Variants in PWWP2B observed in about 807,000 individuals in gnomAD.
PWWP2B encodes the protein PWWP domain containing 2B, also known as PWWP domain-containing protein 2B.
A neutral mutation model predicts 15.5 loss-of-function variants in PWWP2B; 9 were observed. The ratio of observed to expected loss-of-function variants is 0.58; its 90% confidence interval spans 0.35 to 1.02. PWWP2B has a LOEUF of 1.02. Ranked by LOEUF, PWWP2B falls within the 50% of genes least tolerant of loss-of-function variation. The pLI is 0.02. For synonymous variants in PWWP2B, 474 were observed against 403.6 expected, an observed-to-expected ratio of 1.17 and a Z score of -2.09; for missense variants, 864 against 865.3, an observed-to-expected ratio of 1.00 and a Z score of 0.02.
In PWWP2B at chr10:132,397,332, C is replaced by A; in HGVS notation, c.106C>A (p.Leu36Met). 7.2e-7 allele frequency: 1 copy of A among 1,392,252 alleles called. No individual in the cohort carries two copies. 86.2% of individuals were successfully genotyped at this position (1,392,252 alleles called of 1,614,324 possible). ...CGGCGAGCGGAGCTTCGCGGGGATC[C>A]TGCTGGACTGCACGAAAAAGTGAGC... ...SCGERSFAGI[L>M]LDCTKKSGLF... Residue 36 changes from leucine (L) to methionine (M), a missense_variant, in exon 1 of 3, where the codon CTG becomes ATG. By Grantham distance (15) the Leu-to-Met change is conservative (BLOSUM62 2). Around this residue, in one of 2 missense-constraint regions of PWWP2B, gnomAD observed 736 missense variants for 687.7 expected, o/e 1.07. Coordinates refer to ENST00000305233, the MANE Select transcript of PWWP2B (RefSeq NM_138499.4).
In PWWP2B at chr10:132,405,658, T is replaced by C; in HGVS notation, c.1158T>C (p.Gly386=). 1 of 1,612,356 alleles carries C rather than the reference T, an allele frequency of 6.2e-7. No homozygotes were observed. Among genetic ancestry groups the C allele is most frequent in the South Asian group, 1.1e-5 (1 of 91,084 alleles). Reference sequence around the variant, plus strand: ...CGGACTTGTCTTCTGGAAGTTCGGGTGAGGACGATGACTTCAAGAGCTGTC... The same window carrying C: ...CGGACTTGTCTTCTGGAAGTTCGGGCGAGGACGATGACTTCAAGAGCTGTC... ...GLADLSSGSS[G]EDDDFKSCPQ... is the part of the protein sequence containing the mutation. The change falls in exon 2 of 3, where the codon GGT becomes GGC. Residue 386 remains glycine, a synonymous_variant. Coordinates refer to ENST00000305233, the MANE Select transcript of PWWP2B (RefSeq NM_138499.4).
chr10:132,417,320 G>T lies in PWWP2B; in HGVS notation c.*276G>T. Reference sequence around the variant, plus strand: ...AGGCAGTCGGGACTCGTGACTTGCTGGCTGCTGGCTGCTGCTGCCTCGCGC... The same window carrying T: ...AGGCAGTCGGGACTCGTGACTTGCTTGCTGCTGGCTGCTGCTGCCTCGCGC... On this transcript the variant is annotated 3_prime_UTR_variant, in exon 3 of 3. Transcript: ENST00000305233. 1 of 526,496 alleles carries T rather than the reference G, an allele frequency of 1.9e-6. No individual in the cohort carries two copies. Among genetic ancestry groups the T allele is most frequent in the Non-Finnish European group, 3.4e-6 (1 of 296,338 alleles). The allele number at this position is 526,496 out of a possible 1,614,324, so 32.6% of individuals were successfully genotyped here. A position where few individuals can be genotyped will look rare whatever the true frequency, so the allele number is the denominator to read the frequency against.
chr10:132,405,307 C>T lies in PWWP2B; in HGVS notation c.807C>T (p.Ile269=), dbSNP rs1257750366. 6 of 1,612,222 alleles carry T rather than the reference C, an allele frequency of 3.7e-6. No homozygotes were observed. The highest frequency in any genetic ancestry group is 2.2e-5 in the East Asian group (1 of 44,870). ...TPQGKGEVVK[I]PSRVHGSLEP... ...AGGGCAAGGGAGAGGTGGTCAAGAT[C>T]CCCTCCCGCGTGCACGGCTCTCTGG... The change falls in exon 2 of 3, where the codon ATC becomes ATT. Residue 269 remains isoleucine (I), a synonymous_variant. Transcript: ENST00000305233.
chr10:132,416,440 G>A (rs1031697124), intron 2 of PWWP2B, among the ~76,000 whole-genome samples: 2 of 152,190 alleles, frequency 1.3e-5, no homozygotes, highest in African/African-American at 2.4e-5. Context: ...TGACGGGATC[G>A]TCTGTCCCCG....
At chr10:132,411,489 C>T (rs528212305) in intron 2 of PWWP2B, among the ~76,000 whole-genome samples, 4 of 152,334 alleles carry the variant, frequency 2.6e-5, no homozygotes, top group Admixed American at 1.3e-4. Flanking sequence ...GCCTCATGTC[C>T]GACAGAAGGG....
chr10:132,417,185 C>A lies in PWWP2B; in HGVS notation c.*141C>A. 1.6e-6 allele frequency: 2 copies of A among 1,251,512 alleles called. No individual in the cohort carries two copies. Among genetic ancestry groups the A allele is most frequent in the South Asian group, 1.2e-5 (1 of 83,114 alleles). The allele number at this position is 1,251,512 out of a possible 1,614,324, so 77.5% of individuals were successfully genotyped here. A position where few individuals can be genotyped will look rare whatever the true frequency, so the allele number is the denominator to read the frequency against. ...CACGGTGGTCGGCCTGGTGTGAGGC[C>A]CCCCGGGGACCGGCAGTGTGTCCAG... On this transcript the variant is annotated 3_prime_UTR_variant, in exon 3 of 3. Transcript: ENST00000305233.
intron 2 of PWWP2B, among the ~76,000 whole-genome samples, chr10:132,409,193 C>T (rs1036366901): frequency 6.6e-6 from 1 of 152,192 alleles, no homozygotes; most frequent in Non-Finnish European, 1.5e-5. Flanking sequence ...GCTCCAGGGC[C>T]TGTGAATGGC....
Position 132,397,324 on chromosome 10 carries a change from CG to C in PWWP2B, c.102del (p.Ile35SerfsTer43). On this transcript the variant is annotated frameshift_variant, in exon 1 of 3. Coordinates refer to ENST00000305233, the MANE Select transcript of PWWP2B (RefSeq NM_138499.4). LOFTEE classifies it high-confidence loss of function. The stretch of plus-strand genomic sequence containing the variant: ...GTGAGCTGCGGCGAGCGGAGCTTCG[CG>C]GGGATCCTGCTGGACTGCACGAAAA... ...VTVSCGERSF[A>X]GILLDCTKKS... 1 of 1,431,340 alleles carries C rather than the reference CG, an allele frequency of 7.0e-7. No homozygotes were observed. The allele number at this position is 1,431,340 out of a possible 1,614,324, so 88.7% of individuals were successfully genotyped here.
chr10:132,408,230 T>G (rs2069727302), intron 2 of PWWP2B, among the ~76,000 whole-genome samples: 1 of 152,216 alleles, frequency 6.6e-6, no homozygotes, highest in Admixed American at 6.5e-5. Flanking sequence ...TCTTATTTCC[T>G]GAGGGCTAAA....
intron 2 of PWWP2B, among the ~76,000 whole-genome samples, chr10:132,413,566 T>A (rs892300736): frequency 3.3e-5 from 5 of 152,224 alleles, no homozygotes; most frequent in African/African-American, 7.2e-5. Flanking sequence ...CTCGTTTTTT[T>A]AAAACCCACT....
chr10:132,407,230 C>T (rs1045309767), intron 2 of PWWP2B, among the ~76,000 whole-genome samples: 2 of 152,136 alleles, frequency 1.3e-5, no homozygotes, highest in African/African-American at 4.8e-5. Context: ...CTCTTGTCTT[C>T]CCAGCAGGAG....
Position 132,405,401 on chromosome 10 carries a change from T to G in PWWP2B, c.901T>G (p.Ser301Ala). ...SQDPEVLDRE[S>A]RDRPSCAPSA... ...GGACCCCGAGGTGCTGGACAGAGAG[T>G]CCCGGGACCGGCCGTCCTGCGCGCC... Residue 301 changes from serine to alanine, a missense_variant, in exon 2 of 3, where the codon TCC (serine) becomes GCC (alanine). By Grantham distance (99) the Ser-to-Ala change is moderately conservative. Around this residue, in one of 2 missense-constraint regions of PWWP2B, gnomAD observed 736 missense variants for 687.7 expected, o/e 1.07. Coordinates refer to ENST00000305233, the MANE Select transcript of PWWP2B (RefSeq NM_138499.4). 1.2e-6 allele frequency: 2 copies of G among 1,611,000 alleles called. No individual in the cohort carries two copies. The highest frequency in any genetic ancestry group is 1.7e-6 in the Non-Finnish European group (2 of 1,179,212).
chr10:132,404,068 TGCAGGACGGCATTCTTCTGGGCTC>T (rs1564873075), intron 1 of PWWP2B, among the ~76,000 whole-genome samples: 4 of 74,630 alleles, frequency 5.4e-5, no homozygotes, highest in Admixed American at 1.2e-4. Flanking sequence ...CCAGGGCTCC[TGCAGGACGGCATTCTTCTGGGCTC>T]CTGCAGGGAG....
chr10:132,416,947 C>T (rs920156583), intron 2 of PWWP2B, 114 bp from the exon 3 acceptor site: 28 of 1,111,030 alleles, frequency 2.5e-5, no homozygotes, highest in African/African-American at 2.3e-4. Flanking sequence ...GTGGAGGTCC[C>T]GGGTGAGCCT....
At chr10:132,403,018 A>G (rs1319862044) in intron 1 of PWWP2B, among the ~76,000 whole-genome samples, 1 of 152,220 alleles carries the variant, frequency 6.6e-6, no homozygotes, top group Admixed American at 6.5e-5. Flanking sequence ...TTTCTCGCGA[A>G]AGTCTTAGCC....
chr10:132,405,695 CA>C lies in PWWP2B; in HGVS notation c.1196del (p.Gln399ArgfsTer70), dbSNP rs1327795006. 6.2e-7 allele frequency: 1 copy of C among 1,612,202 alleles called. No homozygotes were observed. The highest frequency in any genetic ancestry group is 8.5e-7 in the Non-Finnish European group (1 of 1,179,908). ...DDFKSCPQGP[Q>X]GREGLAFLVS... ...CTTCAAGAGCTGTCCCCAGGGTCCA[CA>C]GGGACGCGAGGGCTTGGCTTTTCTC... On this transcript the variant is annotated frameshift_variant, in exon 2 of 3. Transcript: ENST00000305233. LOFTEE classifies it low-confidence loss of function (END_TRUNC).
At chr10:132,413,930 G>A (rs1228346981) in intron 2 of PWWP2B, among the ~76,000 whole-genome samples, 1 of 152,232 alleles carries the variant, frequency 6.6e-6, no homozygotes, top group Admixed American at 6.5e-5. Context: ...AGGTGAGCAC[G>A]AGACTCCGAC....
chr10:132,409,490 AC>A (rs1452835056), intron 2 of PWWP2B, among the ~76,000 whole-genome samples: 2 of 151,418 alleles, frequency 1.3e-5, no homozygotes, highest in East Asian at 3.9e-4. Context: ...TGCCACCCAC[AC>A]CCCCACCACC....
intron 2 of PWWP2B, among the ~76,000 whole-genome samples, chr10:132,413,064 G>A (rs2069802873): frequency 6.6e-6 from 1 of 152,208 alleles, no homozygotes; most frequent in African/African-American, 2.4e-5. Context: ...TCAGGCCTGA[G>A]GCAGCCACGT....
Sources: allele counts gnomAD v4.1 joint callset (sites outside exome capture counted in the v4.1 genomes callset), GRCh38; gene constraint gnomAD v4.1.1; regional missense constraint gnomAD v4.1.1; transcripts MANE v1.5; gene names NCBI Gene and HGNC (gene_info 2026-07-23, HGNC 2026-07-21).